NDE1: variants seen among roughly 807,000 people sequenced by gnomAD.
NDE1 encodes nudE neurodevelopment protein 1.
In NDE1, 28 loss-of-function variants were observed where a neutral mutation model predicts 43.4. The observed-to-expected ratio is 0.65, with a 90% CI of 0.48 to 0.89. NDE1 has a LOEUF of 0.89. NDE1 is among the 40% of genes least tolerant of loss of function. The probability of loss-of-function intolerance (pLI) is 0.00; values close to 1 mark genes in which losing one functional copy is unlikely to be tolerated. For synonymous variants in NDE1, 184 were observed against 172.0 expected (o/e 1.07, Z -0.55); for missense variants, 441 against 434.1 (o/e 1.02, Z -0.14).
At chr16:15,672,129 C>A (rs1386046775) in intron 3 of NDE1, among the ~76,000 whole-genome samples, 1 of 152,028 alleles carries the variant, frequency 6.6e-6, no homozygotes, top group Non-Finnish European at 1.5e-5. Flanking sequence ...CTCAGTAATT[C>A]TCTGCTTCAA....
chr16:15,691,007 C>T (rs891925215), intron 5 of NDE1, 137 bp from the exon 6 acceptor site: 131 of 951,696 alleles, frequency 1.4e-4, no homozygotes, highest in Admixed American at 4.0e-5. Context: ...GAGGTTTCAC[C>T]ATGTTGGTCA....
chr16:15,704,993 A>T (rs1191221923), intron 8 of NDE1, among the ~76,000 whole-genome samples: 1 of 151,924 alleles, frequency 6.6e-6, no homozygotes, highest in Non-Finnish European at 1.5e-5. Flanking sequence ...AGGTGGATTT[A>T]AAAAAGAAAT....
Position 15,724,272 on chromosome 16 carries a change from C to T in NDE1, c.*21C>T. On this transcript the variant is annotated 3_prime_UTR_variant, in exon 9 of 9. Transcript: ENST00000396354. Reference sequence around the variant, plus strand: ...GCTGAAGCCTGTTCTTGGTCTTTTCCAGTTTATCATAAGCGGCCGCCTTCT... The same window carrying T: ...GCTGAAGCCTGTTCTTGGTCTTTTCTAGTTTATCATAAGCGGCCGCCTTCT... 1 of 1,614,188 alleles carries T rather than the reference C, an allele frequency of 6.2e-7. No individual in the cohort carries two copies. The highest frequency in any genetic ancestry group is 8.5e-7 in the Non-Finnish European group (1 of 1,180,034).
At chr16:15,688,090 T>G (rs1303448932) in intron 5 of NDE1, among the ~76,000 whole-genome samples, 1 of 152,204 alleles carries the variant, frequency 6.6e-6, no homozygotes, top group East Asian at 1.9e-4. Context: ...GTGGGATGAT[T>G]GCTTCAGCCC....
intron 1 of NDE1, among the ~76,000 whole-genome samples, chr16:15,661,677 C>T (rs565078660): frequency 1.8e-4 from 28 of 151,784 alleles, no homozygotes; most frequent in Non-Finnish European, 3.4e-4. Flanking sequence ...CTCCTGGGCT[C>T]AAGCATTCCA....
At chr16:15,646,647 G>A (rs940721949), upstream of NDE1, among the ~76,000 whole-genome samples, 2 of 151,978 alleles carry the variant, frequency 1.3e-5, no homozygotes, top group Non-Finnish European at 2.9e-5. Context: ...CAGGAGAATC[G>A]CTTGAACTGG....
chr16:15,658,296 T>C (rs2036871110), intron 1 of NDE1, among the ~76,000 whole-genome samples: 1 of 152,240 alleles, frequency 6.6e-6, no homozygotes, highest in Non-Finnish European at 1.5e-5. Context: ...ACTGGCTTAG[T>C]ATGGGTTAGG....
intron 8 of NDE1, among the ~76,000 whole-genome samples, chr16:15,715,646 G>T (rs577472769): frequency 6.6e-6 from 1 of 152,040 alleles, no homozygotes; most frequent in Admixed American, 6.6e-5. Context: ...CGGGGAGGAG[G>T]CAAGGTCTTG....
intron 8 of NDE1, chr16:15,717,068 C>T: frequency 6.6e-7 from 1 of 1,516,152 alleles, no homozygotes; most frequent in Non-Finnish European, 9.2e-7. Context: ...GAAGAGGTTC[C>T]CTGACTTCAC....
chr16:15,654,610 A>AC (rs2036666361), intron 1 of NDE1, among the ~76,000 whole-genome samples: 1 of 148,990 alleles, frequency 6.7e-6, no homozygotes, highest in African/African-American at 2.5e-5. Context: ...CTCAAAAAAA[A>AC]AAAAAACAAA....
upstream of NDE1, among the ~76,000 whole-genome samples, chr16:15,645,553 A>G (rs888702671): frequency 2.0e-5 from 3 of 152,240 alleles, no homozygotes; most frequent in Non-Finnish European, 4.4e-5. Context: ...AAGAAATGTA[A>G]TTTTATTGCT....
Position 15,725,575 on chromosome 16 carries a change from T to G in NDE1, c.*1324T>G, listed in dbSNP as rs1022285412. Reference sequence around the variant, plus strand: ...ATAAGTCCCTTTGAGGCTGTTAGCCTACCCCTCCATCTCTTCCATTGACAA... The same window carrying G: ...ATAAGTCCCTTTGAGGCTGTTAGCCGACCCCTCCATCTCTTCCATTGACAA... On this transcript the variant is annotated 3_prime_UTR_variant, in exon 9 of 9. Coordinates refer to ENST00000396354, the MANE Select transcript of NDE1 (RefSeq NM_017668.3). 2.5e-6 allele frequency: 1 copy of G among 406,978 alleles called. No homozygotes were observed. The highest frequency in any genetic ancestry group is 4.3e-6 in the Non-Finnish European group (1 of 230,412). The allele number at this position is 406,978 out of a possible 1,614,324, so 25.2% of individuals were successfully genotyped here.
At chr16:15,688,136 A>T (rs185910403) in intron 5 of NDE1, among the ~76,000 whole-genome samples, 1 of 152,342 alleles carries the variant, frequency 6.6e-6, no homozygotes, top group African/African-American at 2.4e-5. Flanking sequence ...TGATGGCACC[A>T]GTGCACTCCA....
rs1388360113 is a variant in NDE1, at chr16:15,724,956, C to T, written c.*705C>T. The T allele has an allele frequency of 6.2e-6, 10 of 1,613,980 alleles. No individual in the cohort carries two copies. The highest frequency in any genetic ancestry group is 1.3e-5 in the African/African-American group (1 of 74,908). On this transcript the variant is annotated 3_prime_UTR_variant, in exon 9 of 9. Coordinates refer to ENST00000396354, the MANE Select transcript of NDE1 (RefSeq NM_017668.3). ...GCCAGCTTAATGGCCTTCCCCTCGGCCTCGTTAAGCATCCCTGTGACGCTC... is the reference window on the plus strand; with the variant it reads ...GCCAGCTTAATGGCCTTCCCCTCGGTCTCGTTAAGCATCCCTGTGACGCTC...
intron 8 of NDE1, among the ~76,000 whole-genome samples, chr16:15,706,519 C>T (rs1402106649): frequency 2.0e-5 from 3 of 152,128 alleles, no homozygotes; most frequent in African/African-American, 7.2e-5. Context: ...GCCATCCTGG[C>T]CAATATGGTG....
upstream of NDE1, among the ~76,000 whole-genome samples, chr16:15,647,868 C>CAA (rs374332700): frequency 1.8e-4 from 28 of 151,760 alleles, no homozygotes; most frequent in African/African-American, 6.5e-4. Context: ...CACGTCTCTA[C>CAA]AAAAAAATGT....
At chr16:15,654,546 A>G (rs2036660488) in intron 1 of NDE1, among the ~76,000 whole-genome samples, 1 of 140,678 alleles carries the variant, frequency 7.1e-6, no homozygotes, top group Non-Finnish European at 1.5e-5. Context: ...GGTTGCAGTG[A>G]GCTGAGATCA....
chr16:15,694,002 G>C (rs946864757), intron 6 of NDE1, among the ~76,000 whole-genome samples, 163 bp from the exon 7 acceptor site: 1 of 152,210 alleles, frequency 6.6e-6, no homozygotes. Context: ...TACGGGCCTT[G>C]GGTGTGTGAT....
intron 3 of NDE1, among the ~76,000 whole-genome samples, chr16:15,668,496 C>T (rs970976659): frequency 1.3e-5 from 2 of 151,994 alleles, no homozygotes; most frequent in Non-Finnish European, 1.5e-5. Context: ...AACTCCTGGA[C>T]GCGAGCAGTC....
Sources: gnomAD v4.1 joint callset for allele counts (sites outside exome capture counted in the v4.1 genomes callset) on GRCh38, gnomAD v4.1.1 for gene constraint, MANE v1.5 for transcripts, NCBI Gene and HGNC (gene_info 2026-07-23, HGNC 2026-07-21) for gene names.